EXTL3: variants seen among roughly 807,000 people sequenced by gnomAD.
The protein encoded by EXTL3 is exostosin like glycosyltransferase 3.
In EXTL3, 27 loss-of-function variants were observed where a neutral mutation model predicts 69.3. The observed-to-expected ratio is 0.39, with a 90% CI of 0.29 to 0.54. EXTL3 has a LOEUF of 0.54. EXTL3 is among the 20% of genes least tolerant of loss of function. The pLI, the probability that EXTL3 is intolerant of heterozygous loss-of-function variation, is 0.69. For missense variants in EXTL3, 1,003 were observed against 1,231.8 expected (o/e 0.81, Z 2.78); for synonymous variants, 511 against 499.4 (o/e 1.02, Z -0.31).
At chr8:28,702,146 C>T (rs1055739160) in intron 1 of EXTL3, among the ~76,000 whole-genome samples, 1 of 152,060 alleles carries the variant, frequency 6.6e-6, no homozygotes, top group African/African-American at 2.4e-5. Flanking sequence ...TTCCCGAGCA[C>T]ACCTTCCCAC....
chr8:28,718,054 G>A lies in EXTL3; in HGVS notation c.1995G>A (p.Val665=). 6.2e-7 allele frequency: 1 copy of A among 1,614,074 alleles called. No individual in the cohort carries two copies. The highest frequency in any genetic ancestry group is 1.1e-5 in the South Asian group (1 of 91,058). The change falls in exon 3 of 7, where the codon GTG becomes GTA. Residue 665 remains valine (V), a synonymous_variant. Transcript: ENST00000220562. ...GGNVPREQFT[V]VMLTYEREEV... is the part of the protein sequence containing the mutation. The stretch of plus-strand genomic sequence containing the variant: ...ATGTTCCCCGAGAGCAGTTCACGGT[G>A]GTGATGTTGACTTATGAGCGGGAGG...
chr8:28,644,997 T>G (rs1806806132), intron 1 of EXTL3, among the ~76,000 whole-genome samples: 1 of 152,154 alleles, frequency 6.6e-6, no homozygotes, highest in Non-Finnish European at 1.5e-5. Flanking sequence ...GTCTTTCTCA[T>G]TTTGGGTTAA....
Position 28,653,112 on chromosome 8 carries a change from T to G in EXTL3, c.-53+30302T>G, listed in dbSNP as rs76801539. 4.0e-3 allele frequency among the ~76,000 whole-genome samples: 612 copies of G among 152,340 alleles called. 2 individuals are homozygous for G. Among genetic ancestry groups the G allele is most frequent in the African/African-American group, 0.013 (543 of 41,572 alleles). ...GAGTGTATAATGACATGAATCCACATGATAGTAGCATATAGAATAGTTTTA... is the reference window on the plus strand; with the variant it reads ...GAGTGTATAATGACATGAATCCACAGGATAGTAGCATATAGAATAGTTTTA... On this transcript the variant is annotated intron_variant, in intron 1 of 6. Coordinates refer to the EXTL3 transcript ENST00000523149.
In EXTL3 at chr8:28,623,117, G is replaced by A. The variant is rs1309407850; in HGVS notation, c.-53+307G>A. The stretch of plus-strand genomic sequence containing the variant: ...CTGGGCTGGGTTTCTACAGAGGCGG[G>A]AATTTGTGAGAACTGGGAGAGTGTG... On this transcript the variant is annotated intron_variant, in intron 1 of 6. Transcript: ENST00000523149. The surrounding 1 kb of genome is among the most constrained non-coding windows in gnomAD (Gnocchi z 4.2). 6.6e-6 allele frequency among the ~76,000 whole-genome samples: 1 copy of A among 152,122 alleles called. No homozygotes were observed. The highest frequency in any genetic ancestry group is 1.5e-5 in the Non-Finnish European group (1 of 67,998).
chr8:28,681,949 C>T (rs1345051399), intron 1 of EXTL3, among the ~76,000 whole-genome samples: 1 of 152,104 alleles, frequency 6.6e-6, no homozygotes, highest in Admixed American at 6.5e-5. Context: ...GTTCCAGCTA[C>T]TCGGGAGGCT....
In EXTL3 at chr8:28,718,098, T is replaced by C. The variant is rs1325380340; in HGVS notation, c.2039T>C (p.Leu680Ser). The change falls in exon 3 of 7, where the codon TTA becomes TCA. Residue 680 changes from leucine to serine, a missense_variant. Physicochemically the swap from Leu to Ser is moderately radical, Grantham distance 145. Transcript: ENST00000220562. The stretch of plus-strand genomic sequence containing the variant: ...CGGGAGGAAGTGCTTATGAACTCTT[T>C]AGAGAGGCTGAATGGCCTCCCTTAC... ...YEREEVLMNS[L>S]ERLNGLPYLN... The C allele has an allele frequency of 1.9e-6, 3 of 1,614,084 alleles. No individual in the cohort carries two copies. The highest frequency in any genetic ancestry group is 1.7e-6 in the Non-Finnish European group (2 of 1,180,000).
intron 1 of EXTL3, chr8:28,637,382 A>T (rs1240719306): frequency 6.6e-6 from 1 of 152,236 alleles, no homozygotes; most frequent in Non-Finnish European, 1.5e-5. Context: ...CTTTATGGAG[A>T]CAGGAGAGAC....
chr8:28,653,265 C>T (rs926934221), intron 1 of EXTL3, among the ~76,000 whole-genome samples: 4 of 152,196 alleles, frequency 2.6e-5, no homozygotes, highest in Admixed American at 2.0e-4. Context: ...GTATTCTGGA[C>T]ATCAAACCCT....
At chr8:28,657,735 A>T (rs55823139) in intron 1 of EXTL3, among the ~76,000 whole-genome samples, 3,437 of 152,044 alleles carry the variant, frequency 0.023, 102 homozygotes, top group African/African-American at 0.07. Flanking sequence ...ACCCGGGGGG[A>T]AAAAACCTAC....
intron 1 of EXTL3, among the ~76,000 whole-genome samples, chr8:28,658,729 C>T (rs1172110544): frequency 6.6e-6 from 1 of 152,030 alleles, no homozygotes; most frequent in African/African-American, 2.4e-5. Context: ...TACAGGTGCC[C>T]ACCACCATGC....
intron 1 of EXTL3, among the ~76,000 whole-genome samples, chr8:28,671,103 C>T (rs1807283041): frequency 5.9e-5 from 9 of 151,726 alleles, no homozygotes; most frequent in South Asian, 2.1e-4. Flanking sequence ...GCCTCTGCCT[C>T]GCCAGTAGTT....
At position 28,724,799 on chromosome 8, in the gene EXTL3, CAAT is replaced by C. The variant is rs796548792; in HGVS notation, c.2149-6414_2149-6412del. ...TGGGTGACAGGGCAAGACTCCATCT[CAAT>C]AATAATAATGATGATGATGATGTAG... On this transcript the variant is annotated intron_variant, in intron 3 of 6. Transcript: ENST00000220562. Among the ~76,000 whole-genome samples the C allele has an allele frequency of 1.6e-4, 24 of 152,080 alleles. No individual in the cohort carries two copies. In the East Asian group the frequency reaches 2.1e-3, roughly 13 times the overall value.
intron 1 of EXTL3, among the ~76,000 whole-genome samples, chr8:28,660,507 TAC>T (rs1363657158): frequency 6.6e-6 from 1 of 152,170 alleles, no homozygotes; most frequent in Non-Finnish European, 1.5e-5. Context: ...CATATATATA[TAC>T]ACATACACAC....
At chr8:28,624,582 G>A (rs1382977591) in intron 1 of EXTL3, among the ~76,000 whole-genome samples, 1 of 151,914 alleles carries the variant, frequency 6.6e-6, no homozygotes, top group Non-Finnish European at 1.5e-5. Context: ...AAATCATTTT[G>A]TAATTGTGAG....
chr8:28,737,803 T>C, intron 5 of EXTL3, 140 bp downstream of exon 5: 1 of 989,040 alleles, frequency 1.0e-6, no homozygotes, highest in South Asian at 1.3e-5. Flanking sequence ...TTTCTATTTT[T>C]ACAGACAATG....
chr8:28,636,393 C>T (rs1230250593), intron 1 of EXTL3, among the ~76,000 whole-genome samples: 1 of 151,460 alleles, frequency 6.6e-6, no homozygotes, highest in Non-Finnish European at 1.5e-5. Context: ...GTACAGATAT[C>T]TCACATGAGC....
At position 28,686,008 on chromosome 8, in the gene EXTL3, G is replaced by C. The variant is rs1036403932; in HGVS notation, c.-52-27449G>C. 5.3e-5 allele frequency: 8 copies of C among 152,138 alleles called. No homozygotes were observed. In the East Asian group the frequency reaches 1.6e-3, roughly 29 times the overall value. 9.4% of individuals were successfully genotyped at this position (152,138 alleles called of 1,614,324 possible). A position where few individuals can be genotyped will look rare whatever the true frequency, so the allele number is the denominator to read the frequency against. On this transcript the variant is annotated intron_variant, in intron 1 of 6. Transcript: ENST00000523149. Reference sequence around the variant, plus strand: ...AGCCTCCTGAGTAGCTGGGATTACAGGTGACTGCCACCATGCCCAGTTAAT... The same window carrying C: ...AGCCTCCTGAGTAGCTGGGATTACACGTGACTGCCACCATGCCCAGTTAAT...
rs1430175074 is a variant in EXTL3, at chr8:28,629,219, G to A, written c.-53+6409G>A. On this transcript the variant is annotated intron_variant, in intron 1 of 6. Coordinates refer to the EXTL3 transcript ENST00000523149. ...CCTGGTACTGAGAAGGAATCTCTGG[G>A]CTGACTGACAAAGATGTGCTCTGGC... Among the ~76,000 whole-genome samples, 7 of 149,414 alleles carry A rather than the reference G, an allele frequency of 4.7e-5. No homozygotes were observed. In the South Asian group the frequency reaches 1.3e-3, roughly 27 times the overall value.
intron 1 of EXTL3, among the ~76,000 whole-genome samples, chr8:28,690,745 C>T (rs1194598774): frequency 6.6e-6 from 1 of 152,144 alleles, no homozygotes; most frequent in Non-Finnish European, 1.5e-5. Flanking sequence ...TGAGTTTCTC[C>T]CAGAGTGATC....
Sources: gnomAD v4.1 joint callset for allele counts (sites outside exome capture counted in the v4.1 genomes callset) on GRCh38, gnomAD v4.1.1 for gene constraint, Gnocchi (gnomAD v3.1) non-coding constraint, MANE v1.5 for transcripts, NCBI Gene and HGNC (gene_info 2026-07-23, HGNC 2026-07-21) for gene names.